SPATA16: variants seen among roughly 807,000 people sequenced by gnomAD.
The protein encoded by SPATA16 is spermatogenesis associated 16.
A neutral mutation model predicts 63.3 loss-of-function variants in SPATA16; 36 were observed. That is an observed-to-expected ratio of 0.57 (90% CI 0.44 to 0.75). SPATA16 has a LOEUF of 0.75. Ranked by LOEUF, SPATA16 falls within the 30% of genes least tolerant of loss-of-function variation. The pLI, the probability that SPATA16 is intolerant of heterozygous loss-of-function variation, is 0.00. For missense variants in SPATA16, 646 were observed against 679.3 expected (o/e 0.95, Z 0.54); for synonymous variants, 203 against 216.7 (o/e 0.94, Z 0.56).
intron 6 of SPATA16, among the ~76,000 whole-genome samples, chr3:172,946,583 GC>G (rs1484883360): frequency 2.6e-5 from 4 of 152,064 alleles, no homozygotes; most frequent in Non-Finnish European, 5.9e-5. Context: ...GGTAGCAGTG[GC>G]CCCAGGGGGA....
rs191336899 is a variant in SPATA16 at position 172,911,064 on chromosome 3, A to G, written c.1587+2597T>C. Among the ~76,000 whole-genome samples, 291 of 152,324 alleles carry G rather than the reference A, an allele frequency of 1.9e-3. 1 individual carries two copies. Among genetic ancestry groups the G allele is most frequent in the Middle Eastern group, 3.4e-3 (1 of 294 alleles). On this transcript the variant is annotated intron_variant, in intron 10 of 10. Transcript: ENST00000351008. ...AGATTCTGTCATCAGAGGGCATTAG[A>G]AGGAGAAAGAAGGGACTTGCTTCTT...
chr3:173,109,016 G>A (rs532600896), intron 2 of SPATA16, among the ~76,000 whole-genome samples: 17 of 152,168 alleles, frequency 1.1e-4, no homozygotes, highest in African/African-American at 3.9e-4. Context: ...AAGAACCTAC[G>A]ATGTTCATAA....
chr3:173,063,939 T>C (rs6445097), intron 2 of SPATA16, among the ~76,000 whole-genome samples: 64,168 of 151,874 alleles, frequency 0.42, 15,026 homozygotes, highest in African/African-American at 0.64. Context: ...CAAGCTGGAG[T>C]AGACTCAGAG....
chr3:172,968,596 G>A (rs903744845), intron 5 of SPATA16, among the ~76,000 whole-genome samples: 2 of 152,202 alleles, frequency 1.3e-5, no homozygotes, highest in African/African-American at 2.4e-5. Context: ...TATGGTTCAG[G>A]TTCTTGCCTC....
At chr3:173,032,589 C>A (rs1338036661) in intron 3 of SPATA16, among the ~76,000 whole-genome samples, 1 of 152,046 alleles carries the variant, frequency 6.6e-6, no homozygotes, top group African/African-American at 2.4e-5. Flanking sequence ...GGGCTTCAAG[C>A]CTTCCATGTT....
chr3:172,914,914 GACTT>G (rs2109563829), intron 9 of SPATA16, among the ~76,000 whole-genome samples: 1 of 151,824 alleles, frequency 6.6e-6, no homozygotes, highest in East Asian at 1.9e-4. Context: ...TGATTAAGAA[GACTT>G]AAGTGCAGAG....
rs1424848934 is a variant in SPATA16 at position 172,994,056 on chromosome 3, T to C, written c.849-17004A>G. ...TCTGGGTCACATCATTCCCAATACT[T>C]TTGTTGACTTTTATAAAGGTCTGGA... On this transcript the variant is annotated intron_variant, in intron 4 of 10. Transcript: ENST00000351008. Among the ~76,000 whole-genome samples the C allele has an allele frequency of 4.6e-5, 7 of 152,074 alleles. No individual in the cohort carries two copies. The East Asian group carries it at 1.3e-3, about 29-fold the overall frequency.
At chr3:173,007,548 T>C (rs1210983558) in intron 4 of SPATA16, among the ~76,000 whole-genome samples, 1 of 152,226 alleles carries the variant, frequency 6.6e-6, no homozygotes, top group Non-Finnish European at 1.5e-5. Flanking sequence ...GCATGTGTAA[T>C]ATAAAATAGC....
At chr3:172,931,336 G>A (rs1202390178) in intron 6 of SPATA16, among the ~76,000 whole-genome samples, 5 of 152,034 alleles carry the variant, frequency 3.3e-5, no homozygotes, top group Non-Finnish European at 7.4e-5. Flanking sequence ...GAACTTCAGG[G>A]CTCAGGCAAT....
At chr3:173,107,708 C>T (rs1240018385) in intron 2 of SPATA16, among the ~76,000 whole-genome samples, 2 of 152,090 alleles carry the variant, frequency 1.3e-5, no homozygotes, top group Non-Finnish European at 2.9e-5. Context: ...ATCTCATCTA[C>T]TCACTATTTC....
At chr3:173,027,493 T>C (rs956432822) in intron 3 of SPATA16, among the ~76,000 whole-genome samples, 18 of 151,968 alleles carry the variant, frequency 1.2e-4, no homozygotes, top group Non-Finnish European at 2.5e-4. Context: ...TCCCTCAGAA[T>C]TCTCTAAGCT....
At chr3:173,140,435 G>A (rs1738679182) in intron 1 of SPATA16, among the ~76,000 whole-genome samples, 1 of 152,170 alleles carries the variant, frequency 6.6e-6, no homozygotes. Context: ...TGAACAGCAA[G>A]GTCCTTGTAA....
chr3:172,977,087 A>C (rs1302702202), intron 4 of SPATA16, 35 bp from the exon 5 acceptor site: 1 of 1,546,042 alleles, frequency 6.5e-7, no homozygotes, highest in South Asian at 1.1e-5. Flanking sequence ...AAAAACAAAA[A>C]CAAATGTATA....
At chr3:172,994,353 G>A (rs929340235) in intron 4 of SPATA16, among the ~76,000 whole-genome samples, 7 of 152,116 alleles carry the variant, frequency 4.6e-5, no homozygotes, top group Non-Finnish European at 7.4e-5. Flanking sequence ...AAAAAGAGGC[G>A]TTAATTCTAC....
rs1731887911 is a variant in SPATA16 at position 172,891,158 on chromosome 3, A to G, written c.1588-1466T>C. ...ACATTATTTGTATTGACAATGTATC[A>G]TTTAAATCAAAGTTCTTTACAATAA... On this transcript the variant is annotated intron_variant, in intron 10 of 10. Coordinates refer to ENST00000351008, the MANE Select transcript of SPATA16 (RefSeq NM_031955.6). 1.3e-5 allele frequency among the ~76,000 whole-genome samples: 2 copies of G among 152,106 alleles called. 1 individual carries two copies. The highest frequency in any genetic ancestry group is 4.1e-4 in the South Asian group (2 of 4,836).
At chr3:173,103,469 T>C (rs1737542738) in intron 2 of SPATA16, among the ~76,000 whole-genome samples, 1 of 152,226 alleles carries the variant, frequency 6.6e-6, no homozygotes, top group Non-Finnish European at 1.5e-5. Flanking sequence ...ACTCTTGCAC[T>C]CTGCACACCT....
intron 6 of SPATA16, among the ~76,000 whole-genome samples, chr3:172,946,042 A>G (rs1318693266): frequency 6.6e-6 from 1 of 152,144 alleles, no homozygotes; most frequent in African/African-American, 2.4e-5. Flanking sequence ...TGCAACTTGG[A>G]TACCAGCCCA....
chr3:173,048,717 C>T (rs1460927237), intron 3 of SPATA16, among the ~76,000 whole-genome samples: 2 of 152,098 alleles, frequency 1.3e-5, no homozygotes, highest in African/African-American at 4.8e-5. Context: ...AGTTGTCTGC[C>T]TTTTAGTTTT....
chr3:173,076,425 G>A (rs1218358196), intron 2 of SPATA16, among the ~76,000 whole-genome samples: 1 of 151,750 alleles, frequency 6.6e-6, no homozygotes. Context: ...GCACACAAAT[G>A]TATATTTTTC....
Sources: allele counts gnomAD v4.1 joint callset (sites outside exome capture counted in the v4.1 genomes callset), GRCh38; gene constraint gnomAD v4.1.1; transcripts MANE v1.5; gene names NCBI Gene and HGNC (gene_info 2026-07-23, HGNC 2026-07-21).